Variants in LDLRAD4 observed in about 807,000 individuals in gnomAD.
LDLRAD4 encodes low-density lipoprotein receptor class A domain-containing protein 4.
In LDLRAD4, 5 loss-of-function variants were observed where a neutral mutation model predicts 17.0. The observed-to-expected ratio is 0.29, with a 90% CI of 0.15 to 0.62. The LOEUF is 0.62. Ranked by LOEUF, LDLRAD4 falls within the 20% of genes least tolerant of loss-of-function variation. The probability of loss-of-function intolerance (pLI) is 0.84; values close to 1 mark genes in which losing one functional copy is unlikely to be tolerated. For missense variants in LDLRAD4, 340 were observed against 424.7 expected, an observed-to-expected ratio of 0.80 and a Z score of 1.75; for synonymous variants, 168 against 171.8, an observed-to-expected ratio of 0.98 and a Z score of 0.17.
intron 3 of LDLRAD4, among the ~76,000 whole-genome samples, chr18:13,577,023 G>A (rs2094783702): frequency 6.6e-6 from 1 of 152,202 alleles, no homozygotes; most frequent in African/African-American, 2.4e-5. Context: ...CTTAAAAAGT[G>A]AAGTCCACAG....
intron 1 of LDLRAD4, among the ~76,000 whole-genome samples, chr18:13,334,274 G>C (rs1249489659): frequency 6.6e-6 from 1 of 151,600 alleles, no homozygotes; most frequent in Admixed American, 6.6e-5. Context: ...TTTCACACTT[G>C]TTGCCCAGGC....
At chr18:13,325,317 C>T (rs1232913830) in intron 1 of LDLRAD4, among the ~76,000 whole-genome samples, 2 of 152,204 alleles carry the variant, frequency 1.3e-5, no homozygotes, top group South Asian at 2.1e-4. Context: ...GGGAGGCCAA[C>T]AGCAGAGCTT....
intron 1 of LDLRAD4, among the ~76,000 whole-genome samples, chr18:13,313,837 C>T (rs1034522508): frequency 2.6e-5 from 4 of 152,056 alleles, no homozygotes; most frequent in South Asian, 2.1e-4. Context: ...GGGGTGCCCA[C>T]GCATCTCCTT....
chr18:13,333,214 T>C (rs1031589758), intron 1 of LDLRAD4, among the ~76,000 whole-genome samples: 12 of 152,244 alleles, frequency 7.9e-5, no homozygotes, highest in African/African-American at 2.9e-4. Context: ...CTCTATATCT[T>C]TGAGAGACTA....
At chr18:13,302,750 T>C (rs926612710) in intron 1 of LDLRAD4, among the ~76,000 whole-genome samples, 1 of 152,246 alleles carries the variant, frequency 6.6e-6, no homozygotes, top group African/African-American at 2.4e-5. Flanking sequence ...GTACATGCAG[T>C]TGTTATGTTT....
At chr18:13,422,061 G>A (rs1406859027) in intron 2 of LDLRAD4, among the ~76,000 whole-genome samples, 2 of 152,268 alleles carry the variant, frequency 1.3e-5, no homozygotes, top group African/African-American at 4.8e-5. Context: ...TTTCTGTTGT[G>A]AGGGGTCAGT....
At chr18:13,454,128 G>A (rs976548587) in intron 3 of LDLRAD4, among the ~76,000 whole-genome samples, 2 of 152,242 alleles carry the variant, frequency 1.3e-5, no homozygotes, top group South Asian at 2.1e-4. Context: ...CTGGCTCTGC[G>A]ATGATATAAG....
chr18:13,392,998 T>C (rs1156784483), intron 2 of LDLRAD4, among the ~76,000 whole-genome samples: 1 of 152,206 alleles, frequency 6.6e-6, no homozygotes, highest in Non-Finnish European at 1.5e-5. Flanking sequence ...AATGGAATAG[T>C]TGGAGCTGTT....
chr18:13,629,330 G>T (rs1461189692), intron 4 of LDLRAD4, among the ~76,000 whole-genome samples: 2 of 152,102 alleles, frequency 1.3e-5, no homozygotes, highest in Non-Finnish European at 2.9e-5. Flanking sequence ...TACAATTTTG[G>T]TGCAAAGGCA....
chr18:13,540,517 A>T (rs146961671), intron 3 of LDLRAD4, among the ~76,000 whole-genome samples: 2 of 152,090 alleles, frequency 1.3e-5, no homozygotes, highest in African/African-American at 4.8e-5. Context: ...AAGGTATTCA[A>T]TCCTGGTGGA....
intron 1 of LDLRAD4, among the ~76,000 whole-genome samples, chr18:13,328,498 G>C (rs1181789723): frequency 2.0e-5 from 3 of 152,214 alleles, no homozygotes; most frequent in African/African-American, 7.2e-5. Context: ...TGTCAGAAGA[G>C]CCACCTGCAG....
chr18:13,395,684 TG>T (rs2086629371), intron 2 of LDLRAD4, among the ~76,000 whole-genome samples: 1 of 60,348 alleles, frequency 1.7e-5, no homozygotes, highest in Non-Finnish European at 2.9e-5. Flanking sequence ...GGGCGGGAGT[TG>T]GCGTTGGGTG....
chr18:13,500,328 C>T (rs1036867270), intron 3 of LDLRAD4, among the ~76,000 whole-genome samples: 3 of 152,170 alleles, frequency 2.0e-5, no homozygotes. Context: ...CTCCTCTGCC[C>T]GTGGGGCTGT....
intron 2 of LDLRAD4, among the ~76,000 whole-genome samples, chr18:13,392,869 T>G (rs2086380944): frequency 6.6e-6 from 1 of 152,158 alleles, no homozygotes; most frequent in Non-Finnish European, 1.5e-5. Flanking sequence ...TAAATTAAGG[T>G]TATTTCGCTC....
intron 1 of LDLRAD4, among the ~76,000 whole-genome samples, chr18:13,221,416 T>G (rs2041447423): frequency 6.6e-6 from 1 of 152,172 alleles, no homozygotes; most frequent in South Asian, 2.1e-4. Context: ...ATATGAACTG[T>G]GTTAGTTTAG....
intron 1 of LDLRAD4, among the ~76,000 whole-genome samples, chr18:13,243,022 T>C (rs917766952): frequency 6.6e-6 from 1 of 152,260 alleles, no homozygotes; most frequent in African/African-American, 2.4e-5. Flanking sequence ...TGTGCCTTCA[T>C]TTCCACATCT....
intron 3 of LDLRAD4, among the ~76,000 whole-genome samples, chr18:13,570,733 G>T (rs1301481750): frequency 6.6e-6 from 1 of 152,234 alleles, no homozygotes; most frequent in African/African-American, 2.4e-5. Flanking sequence ...GGTGACAGAA[G>T]GCGCAGCCCT....
intron 3 of LDLRAD4, 191 bp from the exon 5 acceptor site, chr18:13,620,926 C>A (rs1373944877): frequency 5.2e-6 from 4 of 766,350 alleles, no homozygotes; most frequent in East Asian, 2.5e-5. Context: ...CTGGTTTGCA[C>A]AGCCTCCCGA....
intron 2 of LDLRAD4, among the ~76,000 whole-genome samples, chr18:13,413,916 T>G (rs1179975365): frequency 1.3e-5 from 2 of 152,042 alleles, no homozygotes; most frequent in Non-Finnish European, 2.9e-5. Context: ...AAAAAAAATT[T>G]TTTTTTAAAT....
Sources: allele counts gnomAD v4.1 joint callset (sites outside exome capture counted in the v4.1 genomes callset), GRCh38; gene constraint gnomAD v4.1.1; transcripts MANE v1.5; gene names NCBI Gene and HGNC (gene_info 2026-07-23, HGNC 2026-07-21).